PRR16: variants seen among roughly 807,000 people sequenced by gnomAD.
PRR16 encodes the protein proline rich 16, also known as protein Largen.
In PRR16, 6 loss-of-function variants were observed where a neutral mutation model predicts 18.2. The observed-to-expected ratio is 0.33, with a 90% CI of 0.18 to 0.65. The LOEUF is 0.65. PRR16 is among the 30% of genes least tolerant of loss of function. PRR16 has a pLI of 0.74. For synonymous variants in PRR16, 151 were observed against 147.8 expected, an observed-to-expected ratio of 1.02 and a Z score of -0.16; for missense variants, 412 against 376.6, an observed-to-expected ratio of 1.09 and a Z score of -0.78.
chr5:120,686,544 C>T lies in PRR16; in HGVS notation c.750C>T (p.Pro250=). 1 of 1,613,678 alleles carries T rather than the reference C, an allele frequency of 6.2e-7. No homozygotes were observed. Among genetic ancestry groups the T allele is most frequent in the Non-Finnish European group, 8.5e-7 (1 of 1,179,860 alleles). ...PPGKIPHQGP[P]LPPTPHLPPF... ...GAAAGATTCCTCACCAAGGCCCTCCCCTCCCTCCTACACCCCATCTCCCTC... is the reference window on the plus strand; with the variant it reads ...GAAAGATTCCTCACCAAGGCCCTCCTCTCCCTCCTACACCCCATCTCCCTC... Residue 250 remains proline, a synonymous_variant, in exon 2 of 2, where the codon CCC becomes CCT. Transcript: ENST00000407149.
the PRR16 span, among the ~76,000 whole-genome samples, chr5:120,741,164 C>T: frequency 6.6e-6 from 1 of 151,806 alleles, no homozygotes; most frequent in Non-Finnish European, 1.5e-5. Flanking sequence ...GTTAATTTTG[C>T]ATGTGGACCT....
At chr5:120,509,818 T>A (rs1437798426) in intron 1 of PRR16, among the ~76,000 whole-genome samples, 1 of 152,282 alleles carries the variant, frequency 6.6e-6, no homozygotes, top group East Asian at 1.9e-4. Flanking sequence ...AACAGGGAGT[T>A]AATTACCTTC....
At chr5:120,527,175 G>T (rs893720073) in intron 1 of PRR16, among the ~76,000 whole-genome samples, 2 of 152,104 alleles carry the variant, frequency 1.3e-5, no homozygotes, top group African/African-American at 4.8e-5. Context: ...TGTCTGAGAG[G>T]CAAAATCACC....
the PRR16 span, among the ~76,000 whole-genome samples, chr5:120,736,579 C>T: frequency 8.0e-6 from 1 of 124,966 alleles, no homozygotes; most frequent in East Asian, 2.1e-4. Flanking sequence ...TTTGGGGTCC[C>T]TGGAGATTTT....
chr5:120,782,488 G>A, the PRR16 span, among the ~76,000 whole-genome samples: 2 of 152,178 alleles, frequency 1.3e-5, no homozygotes, highest in African/African-American at 4.8e-5. Flanking sequence ...GCTTCCCCTC[G>A]GGGTTGGTTC....
intron 1 of PRR16, among the ~76,000 whole-genome samples, chr5:120,485,558 C>G (rs1234183038): frequency 6.6e-6 from 1 of 152,108 alleles, no homozygotes; most frequent in African/African-American, 2.4e-5. Context: ...ACGTATTGTG[C>G]ACAGAATAGA....
intron 1 of PRR16, chr5:120,617,016 C>A: frequency 1.6e-6 from 1 of 620,938 alleles, no homozygotes; most frequent in Non-Finnish European, 2.0e-6. Context: ...TAACCTCCTG[C>A]ACCATGTCCA....
chr5:120,721,171 C>T, the PRR16 span, among the ~76,000 whole-genome samples: 1 of 151,984 alleles, frequency 6.6e-6, no homozygotes, highest in Non-Finnish European at 1.5e-5. Context: ...AGACTTTATT[C>T]AGTGACTATT....
chr5:120,625,499 A>G (rs963013568), intron 1 of PRR16, among the ~76,000 whole-genome samples: 2 of 152,062 alleles, frequency 1.3e-5, no homozygotes, highest in Non-Finnish European at 2.9e-5. Flanking sequence ...CACCATGCCC[A>G]GCTAATCTTT....
chr5:120,655,488 A>G (rs1394655305), intron 1 of PRR16, among the ~76,000 whole-genome samples: 1 of 151,600 alleles, frequency 6.6e-6, no homozygotes, highest in Non-Finnish European at 1.5e-5. Context: ...AAGCATTTGT[A>G]CAAACAAGTA....
At chr5:120,743,466 C>A in the PRR16 span, among the ~76,000 whole-genome samples, 3 of 151,982 alleles carry the variant, frequency 2.0e-5, no homozygotes, top group Non-Finnish European at 2.9e-5. Context: ...GTTAAATTTT[C>A]TTTCCCTTAG....
At chr5:120,777,176 TATC>T in the PRR16 span, among the ~76,000 whole-genome samples, 3 of 152,044 alleles carry the variant, frequency 2.0e-5, no homozygotes, top group South Asian at 2.1e-4. Flanking sequence ...ATTTTTAACA[TATC>T]ATCAAGTTTA....
chr5:120,702,548 C>A, the PRR16 span, among the ~76,000 whole-genome samples: 3 of 152,014 alleles, frequency 2.0e-5, no homozygotes, highest in African/African-American at 4.8e-5. Context: ...GGCAGGCGTC[C>A]CTGCGTGGTC....
chr5:120,621,237 AT>A (rs958023989), intron 1 of PRR16, among the ~76,000 whole-genome samples: 1 of 151,912 alleles, frequency 6.6e-6, no homozygotes, highest in Non-Finnish European at 1.5e-5. Flanking sequence ...AATAAGGGGG[AT>A]TTTTTTGAAA....
intron 1 of PRR16, among the ~76,000 whole-genome samples, chr5:120,510,915 A>G (rs534044200): frequency 1.3e-5 from 2 of 152,136 alleles, no homozygotes; most frequent in Admixed American, 1.3e-4. Context: ...CCTCATCCCT[A>G]CTTGCCTGGG....
At position 120,477,876 on chromosome 5, in the gene PRR16, C is replaced by T. The variant is rs142924463; in HGVS notation, c.159+13231C>T. 4.0e-3 allele frequency among the ~76,000 whole-genome samples: 612 copies of T among 152,322 alleles called. 8 individuals carry two copies. The highest frequency in any genetic ancestry group is 0.013 in the African/African-American group (542 of 41,568). On this transcript the variant is annotated intron_variant, in intron 1 of 1. Coordinates refer to ENST00000407149, the MANE Select transcript of PRR16 (RefSeq NM_001300783.2). The stretch of plus-strand genomic sequence containing the variant: ...GCCTATATCCCCACCTGAGCAAACG[C>T]TTACCTCACTCAAACTTTGCTCCAG...
intron 1 of PRR16, among the ~76,000 whole-genome samples, chr5:120,619,292 CTGTT>C (rs1238128976): frequency 6.6e-6 from 1 of 152,026 alleles, no homozygotes; most frequent in Non-Finnish European, 1.5e-5. Context: ...AAATATTTAA[CTGTT>C]TGAGCTGAGT....
At chr5:120,545,953 G>T (rs1752061548) in intron 1 of PRR16, among the ~76,000 whole-genome samples, 2 of 152,008 alleles carry the variant, frequency 1.3e-5, no homozygotes, top group Non-Finnish European at 2.9e-5. Context: ...TGATAGCATG[G>T]TTAGGTGATG....
the PRR16 span, among the ~76,000 whole-genome samples, chr5:120,733,761 T>C: frequency 0.23 from 34,325 of 152,120 alleles, 4,684 homozygotes; most frequent in Non-Finnish European, 0.29. Flanking sequence ...TTGATTAAAA[T>C]AGTTTCTAAA....
Sources: gnomAD v4.1 joint callset for allele counts (sites outside exome capture counted in the v4.1 genomes callset) on GRCh38, gnomAD v4.1.1 for gene constraint, MANE v1.5 for transcripts, NCBI Gene and HGNC (gene_info 2026-07-23, HGNC 2026-07-21) for gene names.